Variants in RPL37 observed in about 807,000 individuals in gnomAD.
The protein encoded by RPL37 is ribosomal protein L37, also known as large ribosomal subunit protein eL37.
A neutral mutation model predicts 14.8 loss-of-function variants in RPL37; 1 was observed. The observed-to-expected ratio is 0.07, with a 90% CI of 0.02 to 0.32. The LOEUF is 0.32. RPL37 is among the 10% of genes least tolerant of loss of function. RPL37 has a pLI of 1.00. For synonymous variants in RPL37, 53 were observed against 45.8 expected (o/e 1.16, Z -0.63); for missense variants, 100 against 128.3 (o/e 0.78, Z 1.06).
In RPL37 at chr5:40,829,193, G is replaced by C. The variant is rs554223367; in HGVS notation, c.*3311C>G. 6.6e-6 allele frequency: 1 copy of C among 152,204 alleles called. No homozygotes were observed. The highest frequency in any genetic ancestry group is 2.4e-5 in the African/African-American group (1 of 41,532). 9.4% of individuals were successfully genotyped at this position (152,204 alleles called of 1,614,324 possible). A position where few individuals can be genotyped will look rare whatever the true frequency, so the allele number is the denominator to read the frequency against. ...AGATGTTTTCTGTAGAGAACTCCCG[G>C]ACAGCCCCACAGCCACTGCCTTAGT... is the stretch of plus-strand genomic sequence containing the variant. On this transcript the variant is annotated 3_prime_UTR_variant, in exon 4 of 4. Coordinates refer to ENST00000274242, the MANE Select transcript of RPL37 (RefSeq NM_000997.5).
rs1205864879 is a variant in RPL37, at chr5:40,831,402, G to C, written c.*1102C>G. The C allele has an allele frequency of 6.6e-6, 1 of 152,332 alleles. No homozygotes were observed. Among genetic ancestry groups the C allele is most frequent in the Non-Finnish European group, 1.5e-5 (1 of 68,038 alleles). The allele number at this position is 152,332 out of a possible 1,614,324, so 9.4% of individuals were successfully genotyped here. A position where few individuals can be genotyped will look rare whatever the true frequency, so the allele number is the denominator to read the frequency against. ...ATGTTCTGAAGCTGAGACCTGAAGG[G>C]TAAATTAGGAGTTAAAATACAAGAT... On this transcript the variant is annotated 3_prime_UTR_variant, in exon 4 of 4. Transcript: ENST00000274242.
In RPL37 at chr5:40,834,324, T is replaced by G. The variant is rs1470853990; in HGVS notation, c.140-59A>C. 10 of 1,571,896 alleles carry G rather than the reference T, an allele frequency of 6.4e-6. 1 individual carries two copies. Among genetic ancestry groups the G allele is most frequent in the South Asian group, 4.4e-5 (4 of 89,900 alleles). On this transcript the variant is annotated intron_variant, in intron 2 of 3. Transcript: ENST00000274242. ...TGTTCTCCCACACACCTTGTAGGTG[T>G]TGTTAACACACGAGTTTTATGCCAC...
rs1053288838 is a variant in RPL37, at chr5:40,831,873, C to T, written c.*631G>A. On this transcript the variant is annotated 3_prime_UTR_variant, in exon 4 of 4. Transcript: ENST00000274242. Reference sequence around the variant, plus strand: ...TCCTTTATTTCCTGCTCAATCTTTACTTGCACCCAAGCCCTACTTTTTCTC... The same window carrying T: ...TCCTTTATTTCCTGCTCAATCTTTATTTGCACCCAAGCCCTACTTTTTCTC... 3.9e-5 allele frequency: 6 copies of T among 152,588 alleles called. No homozygotes were observed. Among genetic ancestry groups the T allele is most frequent in the Admixed American group, 3.9e-4 (6 of 15,314 alleles). The allele number at this position is 152,588 out of a possible 1,614,324, so 9.5% of individuals were successfully genotyped here. A position where few individuals can be genotyped will look rare whatever the true frequency, so the allele number is the denominator to read the frequency against.
Position 40,834,264 on chromosome 5 carries a change from A to G in RPL37, c.141T>C (p.Tyr47=), listed in dbSNP as rs948247720. Residue 47 remains tyrosine, a splice_region_variant and synonymous_variant, in exon 3 of 4, where the codon TAT becomes TAC. Coordinates refer to ENST00000274242, the MANE Select transcript of RPL37 (RefSeq NM_000997.5). ...CGYPAKRKRK[Y]NWSAKAKRRN... The stretch of plus-strand genomic sequence containing the variant: ...GTCTTTTAGCCTTGGCACTCCAGTT[A>G]TCTAAAACATAAGTTCAGAAAAGAT... 1 of 1,613,610 alleles carries G rather than the reference A, an allele frequency of 6.2e-7. No individual in the cohort carries two copies. Among genetic ancestry groups the G allele is most frequent in the Non-Finnish European group, 8.5e-7 (1 of 1,179,620 alleles).
intron 1 of RPL37, among the ~76,000 whole-genome samples, 156 bp from the exon 2 acceptor site, chr5:40,834,762 T>G (rs3816959): frequency 6.6e-6 from 1 of 152,094 alleles, no homozygotes; most frequent in Non-Finnish European, 1.5e-5. Flanking sequence ...CAGAGACCAC[T>G]ACCCGCATTT....
At chr5:40,832,630 T>C (rs781460533) in intron 3 of RPL37, 57 bp from the exon 4 acceptor site, 9 of 1,319,842 alleles carry the variant, frequency 6.8e-6, no homozygotes, top group Non-Finnish European at 9.9e-6. Flanking sequence ...GCATACATTT[T>C]AATTTTTGTT....
At chr5:40,834,309 C>A (rs1365323667) in intron 2 of RPL37, 44 bp from the exon 3 acceptor site, 4 of 1,580,940 alleles carry the variant, frequency 2.5e-6, no homozygotes, top group Non-Finnish European at 3.5e-6. Context: ...TGTTCTCCCA[C>A]ACACCTTGTA....
chr5:40,832,646 G>C (rs780365178), intron 3 of RPL37, 73 bp from the exon 4 acceptor site: 1 of 1,092,490 alleles, frequency 9.2e-7, no homozygotes, highest in South Asian at 1.2e-5. Context: ...TTGTTAAACA[G>C]ATTTCAATGC....
Position 40,834,696 on chromosome 5 carries a change from A to G in RPL37, c.4-90T>C. On this transcript the variant is annotated intron_variant, in intron 1 of 3. Transcript: ENST00000274242. ...GGAAACCAATTACTGATAAAATTTA[A>G]AGGCAATCGTAAAGATCGAAACTGC... 4 of 1,430,922 alleles carry G rather than the reference A, an allele frequency of 2.8e-6. No individual in the cohort carries two copies. The South Asian group carries it at 5.5e-5, about 20-fold the overall frequency. 88.6% of individuals were successfully genotyped at this position (1,430,922 alleles called of 1,614,324 possible).
In RPL37 at chr5:40,831,472, C is replaced by T. The variant is rs1745638562; in HGVS notation, c.*1032G>A. ...CACATTATAAAGCCATTCCAGGTTA[C>T]AAGTAAAAGTGATACCCTTCCAAGG... is the stretch of plus-strand genomic sequence containing the variant. On this transcript the variant is annotated 3_prime_UTR_variant, in exon 4 of 4. Transcript: ENST00000274242. The T allele has an allele frequency of 6.6e-6, 1 of 152,386 alleles. No individual in the cohort carries two copies. The highest frequency in any genetic ancestry group is 2.4e-5 in the African/African-American group (1 of 41,550). The allele number at this position is 152,386 out of a possible 1,614,324, so 9.4% of individuals were successfully genotyped here. A position where few individuals can be genotyped will look rare whatever the true frequency, so the allele number is the denominator to read the frequency against.
Position 40,829,503 on chromosome 5 carries a change from T to C in RPL37, c.*3001A>G, listed in dbSNP as rs1745590826. 6.6e-6 allele frequency: 1 copy of C among 152,200 alleles called. No homozygotes were observed. The highest frequency in any genetic ancestry group is 1.5e-5 in the Non-Finnish European group (1 of 68,050). 9.4% of individuals were successfully genotyped at this position (152,200 alleles called of 1,614,324 possible). ...CCTCCTCTGACTGGTTACCATTATG[T>C]CAGCTGTTTCATTGCTGGCAAAGCC... On this transcript the variant is annotated 3_prime_UTR_variant, in exon 4 of 4. Coordinates refer to ENST00000274242, the MANE Select transcript of RPL37 (RefSeq NM_000997.5).
In RPL37 at chr5:40,825,935, A is replaced by T. The variant is rs1185370040; in HGVS notation, c.*6569T>A. 2.0e-5 allele frequency: 3 copies of T among 151,868 alleles called. No homozygotes were observed. The highest frequency in any genetic ancestry group is 4.4e-5 in the Non-Finnish European group (3 of 68,036). The allele number at this position is 151,868 out of a possible 1,614,324, so 9.4% of individuals were successfully genotyped here. ...TGGCCAGGCTGGTCTCAAACTCCTG[A>T]CCTCAGGTGATCTACCCGCCTCAGA... is the stretch of plus-strand genomic sequence containing the variant. On this transcript the variant is annotated 3_prime_UTR_variant, in exon 4 of 4. Coordinates refer to ENST00000274242, the MANE Select transcript of RPL37 (RefSeq NM_000997.5).
rs766654032 is a variant in RPL37, at chr5:40,826,222, A to G, written c.*6282T>C. Reference sequence around the variant, plus strand: ...TTGCTAGATGTTTATTTGCAGAGCTACATAAATATAACCTTATTAGAATGG... The same window carrying G: ...TTGCTAGATGTTTATTTGCAGAGCTGCATAAATATAACCTTATTAGAATGG... On this transcript the variant is annotated 3_prime_UTR_variant, in exon 4 of 4. Transcript: ENST00000274242. The G allele has an allele frequency of 6.6e-6, 1 of 152,264 alleles. No homozygotes were observed. The highest frequency in any genetic ancestry group is 1.5e-5 in the Non-Finnish European group (1 of 68,044). The allele number at this position is 152,264 out of a possible 1,614,324, so 9.4% of individuals were successfully genotyped here. A position where few individuals can be genotyped will look rare whatever the true frequency, so the allele number is the denominator to read the frequency against.
Position 40,834,890 on chromosome 5 carries a change from T to C in RPL37, c.4-284A>G. ...TTTCATTGTTACACAGAGCCAAACA[T>C]TCCCAAACTCCTTCCCTCGGCTCCC... On this transcript the variant is annotated intron_variant, in intron 1 of 3. Coordinates refer to ENST00000274242, the MANE Select transcript of RPL37 (RefSeq NM_000997.5). 10 of 607,360 alleles carry C rather than the reference T, an allele frequency of 1.6e-5. No individual in the cohort carries two copies. In the South Asian group the frequency reaches 2.0e-4, roughly 12 times the overall value. The allele number at this position is 607,360 out of a possible 1,614,324, so 37.6% of individuals were successfully genotyped here. A position where few individuals can be genotyped will look rare whatever the true frequency, so the allele number is the denominator to read the frequency against.
intron 1 of RPL37, among the ~76,000 whole-genome samples, 158 bp from the exon 2 acceptor site, chr5:40,834,764 C>G (rs1454330072): frequency 6.6e-6 from 1 of 152,212 alleles, no homozygotes; most frequent in Admixed American, 6.5e-5. Context: ...GAGACCACTA[C>G]CCGCATTTCA....
At chr5:40,832,736 G>T (rs1579792959) in intron 3 of RPL37, 163 bp from the exon 4 acceptor site, 6 of 753,524 alleles carry the variant, frequency 8.0e-6, no homozygotes, top group Non-Finnish European at 1.2e-5. Context: ...CTGATAAGCT[G>T]AAATTCTTCA....
In RPL37 at chr5:40,835,191, T is replaced by C. The variant is rs759920835; in HGVS notation, c.-6A>G. On this transcript the variant is annotated 5_prime_UTR_variant, in exon 1 of 4. Coordinates refer to ENST00000274242, the MANE Select transcript of RPL37 (RefSeq NM_000997.5). ...CCACAGTCACAACTCACCATCTCGC[T>C]TCTGCGGCCGAGACCAGAAAGACCG... The C allele has an allele frequency of 3.1e-6, 5 of 1,614,036 alleles. No individual in the cohort carries two copies. The highest frequency in any genetic ancestry group is 2.7e-5 in the African/African-American group (2 of 74,946).
chr5:40,835,138 G>T, intron 1 of RPL37, 45 bp downstream of exon 1: 1 of 1,613,750 alleles, frequency 6.2e-7, no homozygotes, highest in Non-Finnish European at 8.5e-7. Flanking sequence ...AGGCACAAAG[G>T]ACGAGGATGG....
At position 40,828,237 on chromosome 5, in the gene RPL37, T is replaced by C. The variant is rs1745559244; in HGVS notation, c.*4267A>G. 1 of 152,208 alleles carries C rather than the reference T, an allele frequency of 6.6e-6. No homozygotes were observed. The highest frequency in any genetic ancestry group is 6.5e-5 in the Admixed American group (1 of 15,276). The allele number at this position is 152,208 out of a possible 1,614,324, so 9.4% of individuals were successfully genotyped here. A position where few individuals can be genotyped will look rare whatever the true frequency, so the allele number is the denominator to read the frequency against. ...ACTTAACCAACCTTCTAAAGGTTCC[T>C]CCATCCCCACTGTCTATTACGCTCG... On this transcript the variant is annotated 3_prime_UTR_variant, in exon 4 of 4. Coordinates refer to ENST00000274242, the MANE Select transcript of RPL37 (RefSeq NM_000997.5).
Sources: gnomAD v4.1 joint callset for allele counts (sites outside exome capture counted in the v4.1 genomes callset) on GRCh38, gnomAD v4.1.1 for gene constraint, MANE v1.5 for transcripts, NCBI Gene and HGNC (gene_info 2026-07-23, HGNC 2026-07-21) for gene names.